Variants in DAB1 observed in about 807,000 individuals in gnomAD.
The protein encoded by DAB1 is DAB adaptor protein 1.
In DAB1, 15 loss-of-function variants were observed where a neutral mutation model predicts 64.6. The observed-to-expected ratio is 0.23, with a 90% CI of 0.16 to 0.36. The LOEUF is 0.36. DAB1 is among the 10% of genes least tolerant of loss of function. The pLI, the probability that DAB1 is intolerant of heterozygous loss-of-function variation, is 1.00. For missense variants in DAB1, 596 were observed against 706.7 expected, an observed-to-expected ratio of 0.84 and a Z score of 1.78; for synonymous variants, 235 against 251.9, an observed-to-expected ratio of 0.93 and a Z score of 0.64.
At chr1:57,216,185 G>A (rs1259975389) in intron 2 of DAB1, among the ~76,000 whole-genome samples, 1 of 151,778 alleles carries the variant, frequency 6.6e-6, no homozygotes, top group South Asian at 2.1e-4. Context: ...TTATTCTTCA[G>A]TTTATTAGCT....
chr1:57,029,191 G>A (rs1646888433), intron 9 of DAB1, among the ~76,000 whole-genome samples: 1 of 152,210 alleles, frequency 6.6e-6, no homozygotes, highest in Non-Finnish European at 1.5e-5. Flanking sequence ...AGGGACCAAT[G>A]TACAGCTCAG....
chr1:58,393,655 G>C (rs1170848327), intron 3 of DAB1, among the ~76,000 whole-genome samples: 1 of 152,132 alleles, frequency 6.6e-6, no homozygotes, highest in Non-Finnish European at 1.5e-5. Flanking sequence ...ACACTTATAT[G>C]TGAAATCTAA....
intron 9 of DAB1, among the ~76,000 whole-genome samples, chr1:57,040,732 T>C (rs1301346859): frequency 1.3e-5 from 2 of 152,240 alleles, no homozygotes; most frequent in African/African-American, 4.8e-5. Context: ...TCCTTTTTCC[T>C]TTTAAAAACC....
At chr1:57,252,429 A>T (rs1050653664) in intron 2 of DAB1, among the ~76,000 whole-genome samples, 3 of 152,196 alleles carry the variant, frequency 2.0e-5, no homozygotes, top group African/African-American at 7.2e-5. Context: ...AGGAGACTGT[A>T]AATGCACTGA....
chr1:58,419,145 G>A (rs1644748743), intron 3 of DAB1, among the ~76,000 whole-genome samples: 1 of 152,152 alleles, frequency 6.6e-6, no homozygotes, highest in East Asian at 1.9e-4. Flanking sequence ...CCAGCCCCAT[G>A]TTTATGAAAA....
intron 6 of DAB1, among the ~76,000 whole-genome samples, chr1:57,715,330 C>T (rs943095351): frequency 6.6e-6 from 1 of 152,116 alleles, no homozygotes; most frequent in Non-Finnish European, 1.5e-5. Flanking sequence ...TCATAATGAA[C>T]AGGGAAAAGC....
chr1:57,964,107 TA>T (rs569621876), intron 5 of DAB1, among the ~76,000 whole-genome samples: 2 of 152,132 alleles, frequency 1.3e-5, no homozygotes, highest in South Asian at 2.1e-4. Context: ...GGGGAGGGGC[TA>T]GGGGTAACAG....
At chr1:57,216,689 T>A (rs1198188124) in intron 2 of DAB1, among the ~76,000 whole-genome samples, 1 of 152,158 alleles carries the variant, frequency 6.6e-6, no homozygotes, top group African/African-American at 2.4e-5. Flanking sequence ...ATATTTACAA[T>A]CATCCCTTTT....
At chr1:58,519,880 G>A (rs188049252) in intron 2 of DAB1, among the ~76,000 whole-genome samples, 133 of 152,214 alleles carry the variant, frequency 8.7e-4, no homozygotes, top group African/African-American at 3.2e-3. Flanking sequence ...CAAAGTAACT[G>A]AAATTTAAAA....
At chr1:58,492,986 TC>T (rs1162034207) in intron 3 of DAB1, among the ~76,000 whole-genome samples, 1 of 152,056 alleles carries the variant, frequency 6.6e-6, no homozygotes, top group African/African-American at 2.4e-5. Context: ...TAGACCAATA[TC>T]CCTGATGAAC....
In DAB1 at chr1:57,575,902, G is replaced by T. The variant is rs1645244016; in HGVS notation, n.625+73690C>A. Among the ~76,000 whole-genome samples the T allele has an allele frequency of 7.2e-5, 11 of 152,222 alleles. No homozygotes were observed. In the South Asian group the frequency reaches 2.3e-3, roughly 32 times the overall value. On this transcript the variant is annotated intron_variant and non_coding_transcript_variant, in intron 7 of 20. Transcript: ENST00000485760. ...ATAAGCAAGGAGGAATTGTACCTAG[G>T]TGGCATTACGGCTTGAATTAGGTTC...
intron 4 of DAB1, among the ~76,000 whole-genome samples, chr1:57,077,210 G>A (rs148994762): frequency 2.8e-4 from 43 of 152,274 alleles, no homozygotes; most frequent in African/African-American, 9.1e-4. Flanking sequence ...AATGTGTGAA[G>A]GCAGCTAGGT....
At position 57,246,575 on chromosome 1, in the gene DAB1, C is replaced by T. The variant is rs77177014; in HGVS notation, c.67+44389G>A. ...AAAGTGGGGTTGGAGCCCCCCTACC[C>T]CACAGAGTCCTCAATGAGACAATGC... On this transcript the variant is annotated intron_variant, in intron 2 of 14. Transcript: ENST00000371236. Among the ~76,000 whole-genome samples, 337 of 152,352 alleles carry T rather than the reference C, an allele frequency of 2.2e-3. 1 individual carries two copies. The highest frequency in any genetic ancestry group is 7.8e-3 in the African/African-American group (326 of 41,582).
At chr1:57,555,117 C>T (rs1644972292) in intron 7 of DAB1, among the ~76,000 whole-genome samples, 1 of 146,536 alleles carries the variant, frequency 6.8e-6, no homozygotes, top group South Asian at 2.2e-4. Context: ...TCACTGTAAC[C>T]TCCACCTCCT....
At chr1:57,563,447 A>G (rs1395369174) in intron 7 of DAB1, among the ~76,000 whole-genome samples, 2 of 152,058 alleles carry the variant, frequency 1.3e-5, no homozygotes, top group Non-Finnish European at 2.9e-5. Context: ...TGGGTGCAGG[A>G]CAGTGGGTGC....
In DAB1 at chr1:57,853,443, C is replaced by A. The variant is rs920108525; in HGVS notation, n.88-26988G>T. On this transcript the variant is annotated intron_variant and non_coding_transcript_variant, in intron 1 of 1. Coordinates refer to the DAB1 transcript ENST00000477280. Reference sequence around the variant, plus strand: ...GTGATTCTCCCTTTCCTCAAGAAAACCTTCAGTATAAATCTACATTGATCT... The same window carrying A: ...GTGATTCTCCCTTTCCTCAAGAAAAACTTCAGTATAAATCTACATTGATCT... Among the ~76,000 whole-genome samples the A allele has an allele frequency of 2.6e-5, 4 of 152,170 alleles. No individual in the cohort carries two copies. The East Asian group carries it at 7.7e-4, about 29-fold the overall frequency.
chr1:58,144,845 A>G (rs1654502138), intron 5 of DAB1, among the ~76,000 whole-genome samples: 1 of 152,208 alleles, frequency 6.6e-6, no homozygotes, highest in Non-Finnish European at 1.5e-5. Context: ...ACACAGGCCT[A>G]CAAGAGACAA....
chr1:57,048,722 T>G (rs1018829955), intron 9 of DAB1, among the ~76,000 whole-genome samples: 5 of 152,166 alleles, frequency 3.3e-5, no homozygotes, highest in African/African-American at 1.2e-4. Context: ...TTCAACTATA[T>G]CTCCTCTTTC....
intron 11 of DAB1, among the ~76,000 whole-genome samples, chr1:57,017,201 T>G (rs1368202398): frequency 6.6e-6 from 1 of 152,090 alleles, no homozygotes; most frequent in African/African-American, 2.4e-5. Flanking sequence ...CTATGTGCAG[T>G]TGAGCCTGAG....
Sources: gnomAD v4.1 joint callset for allele counts (sites outside exome capture counted in the v4.1 genomes callset) on GRCh38, gnomAD v4.1.1 for gene constraint, MANE v1.5 for transcripts, NCBI Gene and HGNC (gene_info 2026-07-23, HGNC 2026-07-21) for gene names.